GFRA2: variants seen among roughly 807,000 people sequenced by gnomAD.
GFRA2 encodes the protein GDNF family receptor alpha 2.
GFRA2 carries 17 observed loss-of-function variants against 48.3 expected under a neutral mutation model. That is an observed-to-expected ratio of 0.35 (90% confidence interval 0.24 to 0.53). The LOEUF is 0.53. Among genes scored for constraint, GFRA2 ranks in the 20% least tolerant of loss-of-function variants. The probability of loss-of-function intolerance (pLI) is 0.93; values close to 1 mark genes in which losing one functional copy is unlikely to be tolerated. For synonymous variants in GFRA2, 305 were observed against 257.2 expected (o/e 1.19, Z -1.78); for missense variants, 660 against 637.3 (o/e 1.04, Z -0.38).
In GFRA2 at chr8:21,759,453, A is replaced by G. The variant is rs555103332; in HGVS notation, c.440-8511T>C. ...GGGAAAGAGGGAGGGAGAGAGGGAGAGAGGGAGGGAGGGAGGGAGGGAAAG... is the reference window on the plus strand; with the variant it reads ...GGGAAAGAGGGAGGGAGAGAGGGAGGGAGGGAGGGAGGGAGGGAGGGAAAG... On this transcript the variant is annotated intron_variant, in intron 3 of 8. Transcript: ENST00000524240. 1.1e-4 allele frequency among the ~76,000 whole-genome samples: 10 copies of G among 91,142 alleles called. No homozygotes were observed. The South Asian group carries it at 2.6e-3, about 24-fold the overall frequency. The allele number at this position is 91,142 out of a possible 152,430, so 59.8% of individuals were successfully genotyped here. A position where few individuals can be genotyped will look rare whatever the true frequency, so the allele number is the denominator to read the frequency against.
upstream of GFRA2, among the ~76,000 whole-genome samples, chr8:21,792,181 A>C (rs1007103661): frequency 6.6e-6 from 1 of 152,156 alleles, no homozygotes; most frequent in Non-Finnish European, 1.5e-5. Flanking sequence ...CAGGAGAGGG[A>C]AGAAGGACCA....
intron 2 of GFRA2, among the ~76,000 whole-genome samples, chr8:21,776,011 G>C (rs1207616480): frequency 1.5e-5 from 2 of 137,912 alleles, no homozygotes; most frequent in Non-Finnish European, 3.0e-5. Context: ...GTGTGTGTGT[G>C]TGTGTGTGTG....
chr8:21,811,702 C>A (rs1246976975), intron 1 of GFRA2, among the ~76,000 whole-genome samples: 4 of 152,078 alleles, frequency 2.6e-5, no homozygotes, highest in Non-Finnish European at 5.9e-5. Context: ...CAGATAGCTT[C>A]CCCTGCAAGT....
intron 4 of GFRA2, among the ~76,000 whole-genome samples, chr8:21,711,158 C>T (rs1302628657): frequency 2.0e-5 from 3 of 152,218 alleles, no homozygotes; most frequent in Non-Finnish European, 2.9e-5. Flanking sequence ...CTAGACCAAA[C>T]GTCACTCTTC....
Position 21,788,130 on chromosome 8 carries a change from G to A in GFRA2, c.30C>T (p.Phe10=), listed in dbSNP as rs1372661657. 6.4e-7 allele frequency: 1 copy of A among 1,558,738 alleles called. No individual in the cohort carries two copies. The highest frequency in any genetic ancestry group is 8.7e-7 in the Non-Finnish European group (1 of 1,147,074). The change falls in exon 1 of 9, where the codon TTC becomes TTT. Residue 10 remains phenylalanine, a synonymous_variant. Transcript: ENST00000524240. ...CCCGCAGGTACTCACCTAGAAAGAA[G>A]AAGAGGCAGAAGACGTTTGCCAAGA... The part of the protein sequence containing the change: MILANVFCL[F]FFLDETLRSL...
intron 4 of GFRA2, among the ~76,000 whole-genome samples, chr8:21,729,804 T>A (rs1276209020): frequency 6.6e-6 from 1 of 151,802 alleles, no homozygotes; most frequent in Non-Finnish European, 1.5e-5. Flanking sequence ...AGAACGACTC[T>A]CCTCTCCACT....
chr8:21,736,803 T>A (rs1190457475), intron 4 of GFRA2, among the ~76,000 whole-genome samples: 1 of 152,074 alleles, frequency 6.6e-6, no homozygotes, highest in Non-Finnish European at 1.5e-5. Flanking sequence ...TGAAATTATT[T>A]TTATAATGAG....
chr8:21,711,194 G>A (rs1803004372), intron 4 of GFRA2, among the ~76,000 whole-genome samples: 1 of 152,218 alleles, frequency 6.6e-6, no homozygotes, highest in Non-Finnish European at 1.5e-5. Context: ...GGTCACTCCT[G>A]GACTCTGGTC....
At chr8:21,742,543 C>A (rs1804799238) in intron 4 of GFRA2, among the ~76,000 whole-genome samples, 1 of 152,166 alleles carries the variant, frequency 6.6e-6, no homozygotes, top group African/African-American at 2.4e-5. Context: ...GCAGCCTGTA[C>A]TGACTAAGAT....
chr8:21,759,138 C>T (rs924358151), intron 3 of GFRA2, among the ~76,000 whole-genome samples: 5 of 152,082 alleles, frequency 3.3e-5, no homozygotes, highest in African/African-American at 1.2e-4. Flanking sequence ...CACCTGTAGC[C>T]CCAGCGCTTT....
At chr8:21,755,760 G>A (rs1444796052) in intron 3 of GFRA2, among the ~76,000 whole-genome samples, 1 of 152,256 alleles carries the variant, frequency 6.6e-6, no homozygotes, top group Non-Finnish European at 1.5e-5. Context: ...TGCAATCGCT[G>A]GGAGGAACTG....
chr8:21,726,275 G>C (rs996450197), intron 4 of GFRA2, among the ~76,000 whole-genome samples: 1 of 152,160 alleles, frequency 6.6e-6, no homozygotes, highest in African/African-American at 2.4e-5. Flanking sequence ...CCAGCTCTCA[G>C]GGGGTATTAA....
At chr8:21,801,483 A>C (rs1410475491) in intron 2 of GFRA2, among the ~76,000 whole-genome samples, 1 of 152,150 alleles carries the variant, frequency 6.6e-6, no homozygotes, top group Non-Finnish European at 1.5e-5. Context: ...TGGGCCCAGA[A>C]AATTCATGCA....
intron 3 of GFRA2, among the ~76,000 whole-genome samples, chr8:21,763,380 C>T (rs1178404262): frequency 6.6e-6 from 1 of 152,076 alleles, no homozygotes; most frequent in East Asian, 1.9e-4. Context: ...ATCAGCTGCC[C>T]CTACTCCCCT....
intron 6 of GFRA2, among the ~76,000 whole-genome samples, chr8:21,703,657 AC>A (rs925784953): frequency 2.0e-5 from 3 of 151,824 alleles, no homozygotes; most frequent in Admixed American, 6.6e-5. Flanking sequence ...TCTCTTATCT[AC>A]CCTGGTCCCC....
chr8:21,754,348 CTAATAT>C (rs1805448536), intron 3 of GFRA2, among the ~76,000 whole-genome samples: 1 of 152,114 alleles, frequency 6.6e-6, no homozygotes, highest in Non-Finnish European at 1.5e-5. Context: ...AAAATGTTGA[CTAATAT>C]TATTAAGCAA....
At chr8:21,721,183 A>C (rs901386080) in intron 4 of GFRA2, among the ~76,000 whole-genome samples, 3 of 152,198 alleles carry the variant, frequency 2.0e-5, no homozygotes, top group Non-Finnish European at 2.9e-5. Flanking sequence ...CAGCAAAGCA[A>C]AATGTATCAA....
At chr8:21,790,532 C>A (rs1807545426), upstream of GFRA2, among the ~76,000 whole-genome samples, 1 of 152,204 alleles carries the variant, frequency 6.6e-6, no homozygotes, top group African/African-American at 2.4e-5. Context: ...AGGATTTAGG[C>A]GGGAAGGCGG....
At chr8:21,743,687 T>C (rs1804860464) in intron 4 of GFRA2, among the ~76,000 whole-genome samples, 1 of 152,194 alleles carries the variant, frequency 6.6e-6, no homozygotes, top group Non-Finnish European at 1.5e-5. Flanking sequence ...ATAGATAATC[T>C]GCTGGCCCCA....
Sources: gnomAD v4.1 joint callset for allele counts (sites outside exome capture counted in the v4.1 genomes callset) on GRCh38, gnomAD v4.1.1 for gene constraint, MANE v1.5 for transcripts, NCBI Gene and HGNC (gene_info 2026-07-23, HGNC 2026-07-21) for gene names.